MICALL2: variants seen among roughly 807,000 people sequenced by gnomAD.
The protein encoded by MICALL2 is MICAL like 2, also known as MICAL-like protein 2.
A neutral mutation model predicts 91.1 loss-of-function variants in MICALL2; 111 were observed. That is an observed-to-expected ratio of 1.22 (90% CI 1.04 to 1.43). MICALL2 has a LOEUF of 1.43. MICALL2 is among the 40% of genes most tolerant of loss of function. The pLI is 0.00. For synonymous variants in MICALL2, 694 were observed against 525.3 expected (o/e 1.32, Z -4.39); for missense variants, 1,556 against 1,236.0 (o/e 1.26, Z -3.88).
intron 10 of MICALL2, 52 bp from the exon 11 acceptor site, chr7:1,438,405 T>A: frequency 6.4e-7 from 1 of 1,562,234 alleles, no homozygotes. Context: ...AGGCCCAACG[T>A]GACCAGGACA....
rs1442182847 is a variant in MICALL2 at position 1,447,705 on chromosome 7, T to C, written c.395A>G (p.Lys132Arg). Residue 132 changes from lysine to arginine, a missense_variant, in exon 4 of 17, where the codon AAG (lysine) becomes AGG (arginine). Physicochemically the swap from Lys to Arg is conservative, Grantham distance 26 (BLOSUM62 2). Transcript: ENST00000297508. ...CTTGGCCGCCTGGACTGGAGCCTTCTTCCCTGACGGCTCCTCCTCAGAGTC... is the reference window on the plus strand; with the variant it reads ...CTTGGCCGCCTGGACTGGAGCCTTCCTCCCTGACGGCTCCTCCTCAGAGTC... ...SEDSEEEPSGKKAPVQAAKLP... is the reference protein window; with the variant it reads ...SEDSEEEPSGRKAPVQAAKLP... The C allele has an allele frequency of 6.3e-7, 1 of 1,578,182 alleles. No homozygotes were observed. Among genetic ancestry groups the C allele is most frequent in the Non-Finnish European group, 8.6e-7 (1 of 1,162,868 alleles).
chr7:1,443,612 T>C (rs1246251674), intron 6 of MICALL2, among the ~76,000 whole-genome samples: 1 of 152,056 alleles, frequency 6.6e-6, no homozygotes, highest in Non-Finnish European at 1.5e-5. Context: ...AACAACCATG[T>C]CCTTAGAAGA....
Position 1,445,143 on chromosome 7 carries a change from G to A in MICALL2, c.927C>T (p.Thr309=), listed in dbSNP as rs368474094. The A allele has an allele frequency of 2.2e-5, 35 of 1,569,420 alleles. No individual in the cohort carries two copies. The highest frequency in any genetic ancestry group is 1.4e-4 in the African/African-American group (10 of 73,986). ...SVPAAPNPAA[T]SATSVHVRSP... is the part of the protein sequence containing the mutation. ...TCCTCACGTGGACGGACGTGGCGCT[G>A]GTGGCTGCAGGGTTGGGTGCAGCTG... is the stretch of plus-strand genomic sequence containing the variant. The change falls in exon 6 of 17, where the codon ACC becomes ACT. Residue 309 remains threonine (T), a synonymous_variant. Transcript: ENST00000297508.
rs1779865324 is a variant in MICALL2, at chr7:1,434,547, T to TCCAAGTCCGGATG, written c.*36_*48dup. 6.5e-7 allele frequency: 1 copy of TCCAAGTCCGGATG among 1,529,970 alleles called. No homozygotes were observed. Among genetic ancestry groups the TCCAAGTCCGGATG allele is most frequent in the Non-Finnish European group, 9.1e-7 (1 of 1,104,314 alleles). 94.8% of individuals were successfully genotyped at this position (1,529,970 alleles called of 1,614,324 possible). ...TCCGGGCCAAGCCCATGGCCCCGAG[T>TCCAAGTCCGGATG]CCAAGTCCGGATGCCAGGTCCGGGC... is the stretch of plus-strand genomic sequence containing the variant. On this transcript the variant is annotated 3_prime_UTR_variant, in exon 17 of 17. Coordinates refer to ENST00000297508, the MANE Select transcript of MICALL2 (RefSeq NM_182924.4).
intron 9 of MICALL2, 96 bp from the exon 10 acceptor site, chr7:1,439,091 C>A (rs908970447): frequency 1.8e-5 from 18 of 1,001,020 alleles, no homozygotes; most frequent in Non-Finnish European, 2.6e-5. Context: ...CTGGGTAGCC[C>A]GGCCATCCCC....
chr7:1,440,108 GA>G (rs1780208126), intron 8 of MICALL2, 23 bp from the exon 9 acceptor site: 1 of 1,571,938 alleles, frequency 6.4e-7, no homozygotes, highest in Middle Eastern at 1.8e-4. Context: ...CATGAGGTCG[GA>G]ACCCGAACCA....
chr7:1,444,591 G>A (rs1780470940), intron 6 of MICALL2, 61 bp downstream of exon 6: 2 of 1,522,066 alleles, frequency 1.3e-6, no homozygotes, highest in East Asian at 2.4e-5. Context: ...CTGGCCTCCG[G>A]GGCCCCGCTG....
intron 1 of MICALL2, among the ~76,000 whole-genome samples, chr7:1,454,175 C>T (rs1289155272): frequency 2.5e-5 from 3 of 122,150 alleles, no homozygotes; most frequent in Non-Finnish European, 5.3e-5. Flanking sequence ...GTGGGGAGGG[C>T]GGGGGGGTGC....
intron 1 of MICALL2, among the ~76,000 whole-genome samples, chr7:1,456,032 C>G (rs1418283038): frequency 1.3e-5 from 2 of 151,870 alleles, no homozygotes; most frequent in African/African-American, 4.8e-5. Context: ...ATGAGGAGAC[C>G]TCCACCCCAG....
At position 1,438,316 on chromosome 7, in the gene MICALL2, A is replaced by G; in HGVS notation, c.2160T>C (p.Pro720=). ...TGACTGGGGAGGTCACCGTCTCGCC[A>G]GGCAGAGCAGGGACATTGGCCGGGG... The part of the protein sequence containing the change: ...PLSPANVPAL[P]GETVTSPVRL... Residue 720 remains proline, a synonymous_variant, in exon 11 of 17, where the codon CCT becomes CCC. Coordinates refer to ENST00000297508, the MANE Select transcript of MICALL2 (RefSeq NM_182924.4). 1.9e-6 allele frequency: 3 copies of G among 1,604,276 alleles called. No homozygotes were observed. Among genetic ancestry groups the G allele is most frequent in the East Asian group, 4.5e-5 (2 of 44,574 alleles).
intron 7 of MICALL2, 65 bp downstream of exon 7, chr7:1,442,127 C>T (rs961822681): frequency 5.1e-5 from 79 of 1,550,290 alleles, no homozygotes; most frequent in Middle Eastern, 4.6e-4. Context: ...CTGCAGAGTG[C>T]GGCCAGGGGA....
intron 1 of MICALL2, among the ~76,000 whole-genome samples, chr7:1,453,096 G>A (rs1256884325): frequency 7.2e-5 from 11 of 152,020 alleles, no homozygotes; most frequent in East Asian, 1.9e-4. Context: ...GAACCGTCTC[G>A]CAAGCCCCAC....
chr7:1,438,861 G>A lies in MICALL2; in HGVS notation c.2101C>T (p.Pro701Ser). The change falls in exon 10 of 17, where the codon CCT (proline) becomes TCT (serine). Residue 701 changes from proline (P) to serine (S), a missense_variant. Physicochemically the swap from Pro to Ser is moderately conservative, Grantham distance 74. Coordinates refer to ENST00000297508, the MANE Select transcript of MICALL2 (RefSeq NM_182924.4). The stretch of plus-strand genomic sequence containing the variant: ...TGACCTGGTTTGCCCTGAAGGTGAG[G>A]TTTCTTCTCCTCCTCCTTCCAGCTC... Reference protein sequence around the residue: ...VQSWKEEEKKPHLQGKPGRPL... With the variant: ...VQSWKEEEKKSHLQGKPGRPL... 6.2e-7 allele frequency: 1 copy of A among 1,608,734 alleles called. No individual in the cohort carries two copies. Among genetic ancestry groups the A allele is most frequent in the Non-Finnish European group, 8.5e-7 (1 of 1,177,536 alleles).
In MICALL2 at chr7:1,447,746, C is replaced by T; in HGVS notation, c.354G>A (p.Val118=). 1.3e-6 allele frequency: 2 copies of T among 1,547,418 alleles called. No homozygotes were observed. Among genetic ancestry groups the T allele is most frequent in the Non-Finnish European group, 8.7e-7 (1 of 1,145,614 alleles). Residue 118 remains valine (V), a synonymous_variant, in exon 4 of 17, where the codon GTG becomes GTA. Transcript: ENST00000297508. The part of the protein sequence containing the change: ...GRSPIGGMAG[V]KRASEDSEEE... ...CCTCAGAGTCCTCCGAGGCCCTCTT[C>T]ACGCCTGCCATGCCCCCAACTGGAG...
At chr7:1,448,515 G>T (rs562741295) in intron 3 of MICALL2, 105 bp downstream of exon 3, 11 of 1,054,858 alleles carry the variant, frequency 1.0e-5, no homozygotes, top group South Asian at 1.3e-5. Context: ...GCCATTCTTG[G>T]GGGGGGGGCT....
At chr7:1,458,396 G>C (rs1290475792) in intron 1 of MICALL2, among the ~76,000 whole-genome samples, 2 of 152,190 alleles carry the variant, frequency 1.3e-5, no homozygotes, top group African/African-American at 4.8e-5. Context: ...GCCGTTGAGG[G>C]CCCCCCTTCC....
At position 1,434,522 on chromosome 7, in the gene MICALL2, T is replaced by TCCGGGC. The variant is rs758467189; in HGVS notation, c.*68_*73dup. 2.6e-5 allele frequency: 36 copies of TCCGGGC among 1,359,582 alleles called. No homozygotes were observed. Among genetic ancestry groups the TCCGGGC allele is most frequent in the Admixed American group, 1.7e-5 (1 of 59,470 alleles). The allele number at this position is 1,359,582 out of a possible 1,614,324, so 84.2% of individuals were successfully genotyped here. ...CCCGAGTACAAGTCCGGGTTCCGGG[T>TCCGGGC]CCGGGCCAAGCCCATGGCCCCGAGT... On this transcript the variant is annotated 3_prime_UTR_variant, in exon 17 of 17. Coordinates refer to ENST00000297508, the MANE Select transcript of MICALL2 (RefSeq NM_182924.4).
At chr7:1,444,564 C>T (rs1780469227) in intron 6 of MICALL2, 88 bp downstream of exon 6, 30 of 1,300,150 alleles carry the variant, frequency 2.3e-5, no homozygotes, top group Non-Finnish European at 3.1e-5. Context: ...CAGGGAGGTG[C>T]AGCGCCCCCA....
chr7:1,447,320 G>A (rs1292854834), intron 4 of MICALL2, among the ~76,000 whole-genome samples: 1 of 152,104 alleles, frequency 6.6e-6, no homozygotes, highest in Non-Finnish European at 1.5e-5. Flanking sequence ...AGGTATCCTG[G>A]GCCCATCTAG....
Sources: gnomAD v4.1 joint callset for allele counts (sites outside exome capture counted in the v4.1 genomes callset) on GRCh38, gnomAD v4.1.1 for gene constraint, MANE v1.5 for transcripts, NCBI Gene and HGNC (gene_info 2026-07-23, HGNC 2026-07-21) for gene names.